The following WDR20 variants were observed in gnomAD, a reference collection of about 807,000 sequenced individuals.
WDR20 encodes WD repeat domain 20, also known as WD repeat-containing protein 20.
In WDR20, 3 loss-of-function variants were observed where a neutral mutation model predicts 38.7. The observed-to-expected ratio is 0.08, with a 90% CI of 0.04 to 0.20. WDR20 has a LOEUF of 0.20. Ranked by LOEUF, WDR20 falls within the 10% of genes least tolerant of loss-of-function variation. The pLI, the probability that WDR20 is intolerant of heterozygous loss-of-function variation, is 1.00. For missense variants in WDR20, 559 were observed against 727.7 expected (o/e 0.77, Z 2.67); for synonymous variants, 298 against 285.6 (o/e 1.04, Z -0.44).
chr14:102,193,925 C>T (rs531909405), intron 1 of WDR20, among the ~76,000 whole-genome samples: 1 of 152,268 alleles, frequency 6.6e-6, no homozygotes, highest in Admixed American at 6.5e-5. Context: ...CCAATAAAAG[C>T]CCAGCATATT....
chr14:102,149,132 A>C lies in WDR20; in HGVS notation c.249+8960A>C, dbSNP rs567094715. The stretch of plus-strand genomic sequence containing the variant: ...AGCTGAGATCGTGCCACTGCACTCC[A>C]GCCTGGGCGACAGAGTGAGACTCTC... On this transcript the variant is annotated intron_variant, in intron 1 of 2. Coordinates refer to ENST00000342702, the MANE Select transcript of WDR20 (RefSeq NM_144574.4). Among the ~76,000 whole-genome samples the C allele has an allele frequency of 3.3e-5, 5 of 152,326 alleles. No homozygotes were observed. The East Asian group carries it at 9.6e-4, about 29-fold the overall frequency.
chr14:102,177,260 A>G (rs1054465772), intron 1 of WDR20, among the ~76,000 whole-genome samples: 26 of 152,182 alleles, frequency 1.7e-4, no homozygotes, highest in Admixed American at 2.6e-4. Context: ...TCTTTTCTCA[A>G]GTGCCTTCCC....
At chr14:102,167,440 CT>C (rs1442391609) in intron 1 of WDR20, 1 of 152,238 alleles carries the variant, frequency 6.6e-6, no homozygotes, top group Non-Finnish European at 1.5e-5. Flanking sequence ...AGGCTGGTCT[CT>C]AATTCCTGGC....
chr14:102,197,656 T>C (rs2059632351), intron 2 of WDR20: 1 of 589,844 alleles, frequency 1.7e-6, no homozygotes. Flanking sequence ...AAAAGCCTTT[T>C]CATGTCACGT....
chr14:102,171,837 T>C (rs989170260), intron 1 of WDR20, among the ~76,000 whole-genome samples: 3 of 151,880 alleles, frequency 2.0e-5, no homozygotes, highest in Non-Finnish European at 4.4e-5. Context: ...GGAATATGTT[T>C]AGTACATTAT....
downstream of WDR20, among the ~76,000 whole-genome samples, chr14:102,217,051 C>T (rs1031892606): frequency 1.3e-5 from 2 of 152,230 alleles, no homozygotes; most frequent in African/African-American, 4.8e-5. Context: ...CCTACCACCC[C>T]TTCCAGGGTC....
intron 1 of WDR20, among the ~76,000 whole-genome samples, chr14:102,191,963 C>CT (rs746360257): frequency 3.9e-5 from 6 of 152,136 alleles, no homozygotes; most frequent in South Asian, 2.1e-4. Flanking sequence ...AATATAAACT[C>CT]TAACTTTTTA....
chr14:102,204,850 G>A lies in WDR20; in HGVS notation c.433-3753G>A, dbSNP rs118034064. Reference sequence around the variant, plus strand: ...TTGCTACATAGATGTCCATCAGTGGGGCACTTCCACAATAAACCACAGTTT... The same window carrying A: ...TTGCTACATAGATGTCCATCAGTGGAGCACTTCCACAATAAACCACAGTTT... On this transcript the variant is annotated intron_variant, in intron 2 of 2. Coordinates refer to ENST00000342702, the MANE Select transcript of WDR20 (RefSeq NM_144574.4). Among the ~76,000 whole-genome samples the A allele has an allele frequency of 4.7e-4, 72 of 152,278 alleles. 2 individuals carry two copies. In the East Asian group the frequency reaches 0.012, roughly 25 times the overall value.
At chr14:102,192,827 G>A (rs1369113675) in intron 1 of WDR20, among the ~76,000 whole-genome samples, 2 of 152,098 alleles carry the variant, frequency 1.3e-5, no homozygotes, top group African/African-American at 4.8e-5. Context: ...GGTTGTTGCT[G>A]TCATTTGTCT....
intron 1 of WDR20, among the ~76,000 whole-genome samples, chr14:102,173,474 TTA>T (rs201554032): frequency 0.032 from 2,890 of 90,096 alleles, 101 homozygotes; most frequent in African/African-American, 0.099. Flanking sequence ...ATTATTATTA[TTA>T]TTATTTTTAT....
chr14:102,206,725 G>A (rs569074274), intron 2 of WDR20, among the ~76,000 whole-genome samples: 1 of 152,336 alleles, frequency 6.6e-6, no homozygotes, highest in East Asian at 1.9e-4. Context: ...ACACCCTTAG[G>A]CCCTGGGCGA....
chr14:102,210,832 C>T (rs997700652), downstream of WDR20, among the ~76,000 whole-genome samples: 2 of 152,152 alleles, frequency 1.3e-5, no homozygotes, highest in East Asian at 3.9e-4. Context: ...CCGAGTCTTC[C>T]GACTTCTCCC....
At chr14:102,172,984 C>T (rs2061268927) in intron 1 of WDR20, among the ~76,000 whole-genome samples, 1 of 150,278 alleles carries the variant, frequency 6.7e-6, no homozygotes, top group Non-Finnish European at 1.5e-5. Context: ...GGCGGCGGGG[C>T]AAAGGCACTC....
At chr14:102,148,605 C>T (rs2054523707) in intron 1 of WDR20, among the ~76,000 whole-genome samples, 1 of 151,206 alleles carries the variant, frequency 6.6e-6, no homozygotes, top group Admixed American at 6.6e-5. Flanking sequence ...ATATACAAGG[C>T]ACTGCTGTCT....
Position 102,162,584 on chromosome 14 carries a change from T to C in WDR20, c.249+22412T>C, listed in dbSNP as rs183883423. Among the ~76,000 whole-genome samples the C allele has an allele frequency of 4.9e-3, 740 of 150,154 alleles. 9 individuals carry two copies. Among genetic ancestry groups the C allele is most frequent in the African/African-American group, 0.017 (684 of 39,568 alleles). On this transcript the variant is annotated intron_variant, in intron 1 of 2. Transcript: ENST00000342702. ...ATCTTTCTTTCTTTTTCTCTCTCTC[T>C]CTTTCTTTCTTTTTCTTTCTTTCTC...
chr14:102,180,251 G>A (rs1460677069), intron 1 of WDR20, among the ~76,000 whole-genome samples: 1 of 152,128 alleles, frequency 6.6e-6, no homozygotes, highest in Non-Finnish European at 1.5e-5. Flanking sequence ...ATCCTCGAAC[G>A]CTGCCTGTAG....
At chr14:102,189,628 C>T (rs572011860) in intron 1 of WDR20, among the ~76,000 whole-genome samples, 220 of 152,168 alleles carry the variant, frequency 1.4e-3, no homozygotes, top group Non-Finnish European at 2.6e-3. Flanking sequence ...CTGTCAGAAT[C>T]TGAGTGGAAA....
At chr14:102,185,838 A>G (rs1353262371) in intron 1 of WDR20, among the ~76,000 whole-genome samples, 1 of 151,058 alleles carries the variant, frequency 6.6e-6, no homozygotes, top group Non-Finnish European at 1.5e-5. Context: ...AAAGCATTAT[A>G]TATTTGCTTT....
At chr14:102,142,420 C>G (rs2051606956) in intron 1 of WDR20, among the ~76,000 whole-genome samples, 1 of 152,100 alleles carries the variant, frequency 6.6e-6, no homozygotes, top group Non-Finnish European at 1.5e-5. Context: ...TTAGTAGTTA[C>G]AAACATATTT....
Sources: allele counts gnomAD v4.1 joint callset (sites outside exome capture counted in the v4.1 genomes callset), GRCh38; gene constraint gnomAD v4.1.1; transcripts MANE v1.5; gene names NCBI Gene and HGNC (gene_info 2026-07-23, HGNC 2026-07-21).